PRPF18: variants seen among roughly 807,000 people sequenced by gnomAD.
PRPF18 encodes the protein pre-mRNA-splicing factor 18.
PRPF18 carries 38 observed loss-of-function variants against 46.5 expected under a neutral mutation model. That is an observed-to-expected ratio of 0.82 (90% confidence interval 0.63 to 1.07). The LOEUF is 1.07. Among genes scored for constraint, PRPF18 ranks in the 50% least tolerant of loss-of-function variants. The pLI is 0.00. For synonymous variants in PRPF18, 152 were observed against 146.7 expected (o/e 1.04, Z -0.26); for missense variants, 263 against 410.0 (o/e 0.64, Z 3.10).
At chr10:13,648,977 GAAATGT>G in the PRPF18 span, among the ~76,000 whole-genome samples, 4 of 151,608 alleles carry the variant, frequency 2.6e-5, no homozygotes, top group African/African-American at 4.9e-5. Flanking sequence ...TCAGAGGCCT[GAAATGT>G]AAATGTATAT....
At chr10:13,651,758 ATAGTTC>A in the PRPF18 span, 4 of 632,138 alleles carry the variant, frequency 6.3e-6, no homozygotes, top group South Asian at 7.7e-5. Flanking sequence ...AGCTAAAAAC[ATAGTTC>A]CAGTTCCCCA....
the PRPF18 span, chr10:13,654,107 C>CGAAA: frequency 1.9e-6 from 1 of 516,952 alleles, no homozygotes; most frequent in African/African-American, 2.1e-5. Flanking sequence ...TAATCCAAAC[C>CGAAA]GAAATGAAAT....
At chr10:13,596,952 A>G (rs1457466104) in intron 1 of PRPF18, among the ~76,000 whole-genome samples, 1 of 152,200 alleles carries the variant, frequency 6.6e-6, no homozygotes, top group African/African-American at 2.4e-5. Flanking sequence ...TATGTAGATT[A>G]TTTTAAGAAC....
chr10:13,618,945 G>A (rs2080386511), intron 9 of PRPF18, among the ~76,000 whole-genome samples: 1 of 152,186 alleles, frequency 6.6e-6, no homozygotes, highest in African/African-American at 2.4e-5. Flanking sequence ...CCAGGGACTG[G>A]TTTCATGGAA....
At chr10:13,632,238 G>T (rs979251613), downstream of PRPF18, among the ~76,000 whole-genome samples, 1 of 152,108 alleles carries the variant, frequency 6.6e-6, no homozygotes, top group Non-Finnish European at 1.5e-5. Flanking sequence ...CTACTCGGGA[G>T]GCTGAGGCAG....
the PRPF18 span, chr10:13,637,855 G>C: frequency 6.6e-6 from 1 of 152,164 alleles, no homozygotes; most frequent in Admixed American, 6.5e-5. Context: ...TTTGTTAACT[G>C]TTGTATTGGA....
At chr10:13,617,149 A>T (rs534826311) in intron 9 of PRPF18, among the ~76,000 whole-genome samples, 11 of 152,338 alleles carry the variant, frequency 7.2e-5, no homozygotes, top group African/African-American at 2.6e-4. Flanking sequence ...ATCGACTATA[A>T]TGTAGTGTTT....
At chr10:13,591,723 T>G in intron 1 of PRPF18, 1 of 954,982 alleles carries the variant, frequency 1.0e-6, no homozygotes, top group Non-Finnish European at 1.6e-6. Flanking sequence ...TGATAACAAT[T>G]TTGGTTGAGG....
At chr10:13,634,775 A>G (rs2080621785), downstream of PRPF18, among the ~76,000 whole-genome samples, 1 of 152,202 alleles carries the variant, frequency 6.6e-6, no homozygotes, top group Non-Finnish European at 1.5e-5. Context: ...TATGTTTTCT[A>G]ATCTGTTGTG....
chr10:13,654,266 C>A, the PRPF18 span: 1 of 666,320 alleles, frequency 1.5e-6, no homozygotes, highest in Non-Finnish European at 2.7e-6. Context: ...GAGGTGACAG[C>A]AGATCATGGG....
At chr10:13,643,540 A>G in the PRPF18 span, 1 of 152,498 alleles carries the variant, frequency 6.6e-6, no homozygotes, top group Non-Finnish European at 1.5e-5. Context: ...GAACAAACCA[A>G]GCTTCTCTGT....
At chr10:13,617,862 C>A (rs2080368639) in intron 9 of PRPF18, among the ~76,000 whole-genome samples, 1 of 151,948 alleles carries the variant, frequency 6.6e-6, no homozygotes, top group African/African-American at 2.4e-5. Context: ...CTTCTTTTGC[C>A]CCCTAGGTGA....
At chr10:13,587,213 T>G in intron 1 of PRPF18, 61 bp downstream of exon 1, 3 of 1,533,540 alleles carry the variant, frequency 2.0e-6, no homozygotes, top group Non-Finnish European at 2.7e-6. Context: ...TGTCGGGGTT[T>G]TGGGGTGAGG....
At chr10:13,592,010 A>G (rs1277120151) in intron 1 of PRPF18, 7 of 737,422 alleles carry the variant, frequency 9.5e-6, no homozygotes. Context: ...TATGAAGTTT[A>G]ACCACCTGGG....
At chr10:13,606,733 CAAAA>C (rs34162273) in intron 4 of PRPF18, among the ~76,000 whole-genome samples, 102 of 73,018 alleles carry the variant, frequency 1.4e-3, no homozygotes, top group Admixed American at 3.4e-3. Context: ...GACTCCTTCT[CAAAA>C]AAAAAAAAAA....
chr10:13,602,309 A>G (rs1370185300), intron 3 of PRPF18, among the ~76,000 whole-genome samples: 2 of 152,126 alleles, frequency 1.3e-5, no homozygotes, highest in East Asian at 3.9e-4. Flanking sequence ...GTTTTGTGGA[A>G]TTGCCATTTT....
chr10:13,617,764 T>C (rs2080367394), intron 9 of PRPF18, among the ~76,000 whole-genome samples: 1 of 152,178 alleles, frequency 6.6e-6, no homozygotes, highest in Non-Finnish European at 1.5e-5. Flanking sequence ...TATTCAAGAA[T>C]TCTGGTTTAT....
chr10:13,588,794 A>G (rs1237676950), intron 1 of PRPF18, among the ~76,000 whole-genome samples: 1 of 152,164 alleles, frequency 6.6e-6, no homozygotes, highest in Non-Finnish European at 1.5e-5. Context: ...CCCTTACTTT[A>G]TTGTGTAGCA....
downstream of PRPF18, chr10:13,632,615 T>G (rs2080600416): frequency 1.3e-5 from 2 of 152,178 alleles, no homozygotes; most frequent in Admixed American, 1.3e-4. Flanking sequence ...CTCCTAAAAT[T>G]GGTCAGTGTG....
Sources: allele counts gnomAD v4.1 joint callset (sites outside exome capture counted in the v4.1 genomes callset), GRCh38; gene constraint gnomAD v4.1.1; transcripts MANE v1.5; gene names NCBI Gene and HGNC (gene_info 2026-07-23, HGNC 2026-07-21).